The following OXR1 variants were observed in gnomAD, a reference collection of about 807,000 sequenced individuals.
OXR1 encodes the protein oxidation resistance protein 1.
A neutral mutation model predicts 104.6 loss-of-function variants in OXR1; 41 were observed. The observed-to-expected ratio is 0.39, with a 90% CI of 0.31 to 0.51. OXR1 has a LOEUF of 0.51. Among genes scored for constraint, OXR1 ranks in the 20% least tolerant of loss-of-function variants. OXR1 has a pLI of 0.77. For missense variants in OXR1, 955 were observed against 1,031.9 expected, an observed-to-expected ratio of 0.93 and a Z score of 1.02; for synonymous variants, 348 against 348.4, an observed-to-expected ratio of 1.00 and a Z score of 0.01.
In OXR1 at chr8:106,721,096, G is replaced by A. The variant is rs560987361; in HGVS notation, c.1956+7111G>A. Among the ~76,000 whole-genome samples the A allele has an allele frequency of 7.2e-4, 110 of 152,018 alleles. 1 individual carries two copies. Among genetic ancestry groups the A allele is most frequent in the African/African-American group, 2.6e-3 (106 of 41,496 alleles). On this transcript the variant is annotated intron_variant, in intron 11 of 16. Coordinates refer to ENST00000517566, the MANE Select transcript of OXR1 (RefSeq NM_001198533.2). ...ATACTAGAATTTTCTGAAAGTCAAG[G>A]ATTCATTGTGTCACATGTTCAGTAT...
intron 3 of OXR1, among the ~76,000 whole-genome samples, chr8:106,530,279 A>G (rs945413873): frequency 8.6e-5 from 13 of 151,988 alleles, no homozygotes; most frequent in African/African-American, 3.1e-4. Flanking sequence ...CGTTGTACCT[A>G]AGGATATATA....
intron 11 of OXR1, among the ~76,000 whole-genome samples, chr8:106,718,483 GA>G (rs1832483331): frequency 6.6e-6 from 1 of 151,964 alleles, no homozygotes; most frequent in Non-Finnish European, 1.5e-5. Flanking sequence ...TACTGCTCAC[GA>G]TGTGTAAAGG....
chr8:106,276,360 G>A (rs953735083), intron 1 of OXR1, among the ~76,000 whole-genome samples: 142 of 152,186 alleles, frequency 9.3e-4, no homozygotes, highest in Admixed American at 9.2e-3. Flanking sequence ...ATCAACTGAT[G>A]TGTTTGGAAA....
At chr8:106,379,762 C>T (rs7816577) in intron 2 of OXR1, among the ~76,000 whole-genome samples, 5,412 of 151,868 alleles carry the variant, frequency 0.036, 112 homozygotes, top group East Asian at 0.067. Flanking sequence ...AGGGTGGTCT[C>T]GAACTCCTGG....
intron 3 of OXR1, among the ~76,000 whole-genome samples, chr8:106,528,799 A>G (rs7812735): frequency 0.4 from 61,371 of 152,102 alleles, 13,900 homozygotes; most frequent in Non-Finnish European, 0.5. Context: ...GTTCTCTCCA[A>G]GTTAGAAGAT....
At chr8:106,373,467 G>A (rs1415660791) in intron 2 of OXR1, among the ~76,000 whole-genome samples, 1 of 152,044 alleles carries the variant, frequency 6.6e-6, no homozygotes, top group Non-Finnish European at 1.5e-5. Flanking sequence ...AGAGAATGTT[G>A]GCATAAAATT....
intron 1 of OXR1, among the ~76,000 whole-genome samples, chr8:106,336,018 C>T (rs1243680853): frequency 2.0e-5 from 3 of 152,176 alleles, no homozygotes; most frequent in Admixed American, 2.0e-4. Flanking sequence ...ATCACCTGAA[C>T]CCCGGAGGCA....
chr8:106,576,017 C>CACACACAG (rs1275635691), intron 3 of OXR1, among the ~76,000 whole-genome samples: 3 of 150,288 alleles, frequency 2.0e-5, no homozygotes, highest in Non-Finnish European at 4.5e-5. Flanking sequence ...CACACACACA[C>CACACACAG]ACACAAAACC....
chr8:106,692,682 T>A (rs1563713031), intron 6 of OXR1, 46 bp from the exon 7 acceptor site: 1 of 1,287,290 alleles, frequency 7.8e-7, no homozygotes, highest in South Asian at 1.7e-5. Flanking sequence ...TCATTTTTAT[T>A]TTGTTTTCTG....
intron 3 of OXR1, among the ~76,000 whole-genome samples, chr8:106,613,168 A>T (rs185293395): frequency 1.3e-5 from 2 of 152,074 alleles, no homozygotes; most frequent in Admixed American, 6.5e-5. Flanking sequence ...AGAAGAAAAT[A>T]TGTTCACACA....
intron 2 of OXR1, among the ~76,000 whole-genome samples, chr8:106,373,967 G>T (rs184801883): frequency 5.3e-5 from 8 of 152,186 alleles, no homozygotes; most frequent in Non-Finnish European, 8.8e-5. Flanking sequence ...ACTTAAAATC[G>T]GCTCCTAGCC....
intron 3 of OXR1, among the ~76,000 whole-genome samples, chr8:106,619,678 A>C (rs1373104835): frequency 2.0e-5 from 3 of 152,216 alleles, no homozygotes; most frequent in Admixed American, 2.0e-4. Context: ...AGAAAGGATA[A>C]AAATTTTTAG....
chr8:106,502,125 A>C (rs1393011960), intron 2 of OXR1, among the ~76,000 whole-genome samples: 1 of 152,230 alleles, frequency 6.6e-6, no homozygotes, highest in African/African-American at 2.4e-5. Context: ...GGGGGATTGT[A>C]TCAGGAATTA....
intron 3 of OXR1, among the ~76,000 whole-genome samples, chr8:106,592,957 A>G (rs1392659586): frequency 6.6e-6 from 1 of 152,160 alleles, no homozygotes; most frequent in Non-Finnish European, 1.5e-5. Flanking sequence ...TGTGACCCCT[A>G]CAGTCTCCTG....
intron 2 of OXR1, among the ~76,000 whole-genome samples, chr8:106,454,072 C>T (rs1403551100): frequency 6.6e-6 from 1 of 152,152 alleles, no homozygotes; most frequent in Non-Finnish European, 1.5e-5. Flanking sequence ...AAGAAAAATA[C>T]ATTGGTTAAA....
At chr8:106,360,276 G>T (rs1291440742) in intron 2 of OXR1, among the ~76,000 whole-genome samples, 1 of 152,008 alleles carries the variant, frequency 6.6e-6, no homozygotes, top group East Asian at 1.9e-4. Context: ...AAATTTGAAG[G>T]TATTTTATTG....
rs1404390723 is a variant in OXR1 at position 106,679,217 on chromosome 8, C to T, written c.228C>T (p.Gly76=). ...TTTGCCTTTTTTTCCCAGACACTGG[C>T]CAAAAGAAGACCCTAGACAAGAAAG... ...ELKRFYTIDT[G]QKKTLDKKDG... is the part of the protein sequence containing the mutation. The change falls in exon 4 of 17, where the codon GGC becomes GGT. Residue 76 remains glycine, a synonymous_variant. Transcript: ENST00000517566. The T allele has an allele frequency of 1.2e-6, 2 of 1,605,994 alleles. No homozygotes were observed. The highest frequency in any genetic ancestry group is 1.1e-5 in the South Asian group (1 of 90,566).
At chr8:106,614,492 T>C (rs1821046804) in intron 3 of OXR1, among the ~76,000 whole-genome samples, 1 of 152,236 alleles carries the variant, frequency 6.6e-6, no homozygotes, top group Non-Finnish European at 1.5e-5. Context: ...TTGACTGCCG[T>C]AAATCAGAGC....
chr8:106,524,160 C>A (rs940356150), intron 3 of OXR1, among the ~76,000 whole-genome samples: 1 of 152,118 alleles, frequency 6.6e-6, no homozygotes, highest in African/African-American at 2.4e-5. Flanking sequence ...GAAACATATC[C>A]TTCAAAACCA....
Sources: allele counts gnomAD v4.1 joint callset (sites outside exome capture counted in the v4.1 genomes callset), GRCh38; gene constraint gnomAD v4.1.1; transcripts MANE v1.5; gene names NCBI Gene and HGNC (gene_info 2026-07-23, HGNC 2026-07-21).